ATF1: variants seen among roughly 807,000 people sequenced by gnomAD.
ATF1 encodes the protein cyclic AMP-dependent transcription factor ATF-1.
Under a neutral mutation model 34.7 loss-of-function variants are expected in ATF1, and 16 were observed. The observed-to-expected ratio is 0.46, with a 90% confidence interval of 0.31 to 0.70. ATF1 has a LOEUF of 0.70. ATF1 is among the 30% of genes least tolerant of loss of function. The pLI is 0.05. For synonymous variants in ATF1, 105 were observed against 113.1 expected (o/e 0.93, Z 0.46); for missense variants, 255 against 321.6 (o/e 0.79, Z 1.58).
chr12:50,782,345 T>C (rs1432982456), intron 2 of ATF1, among the ~76,000 whole-genome samples: 1 of 151,886 alleles, frequency 6.6e-6, no homozygotes, highest in African/African-American at 2.4e-5. Flanking sequence ...AACCTCCGCC[T>C]TCCAGGTTCA....
At chr12:50,796,102 G>A (rs575303104) in intron 3 of ATF1, 93 bp downstream of exon 3, 11 of 1,038,532 alleles carry the variant, frequency 1.1e-5, no homozygotes, top group Admixed American at 5.8e-5. Context: ...AAGTTAGCAC[G>A]CGTCAGTGTT....
At chr12:50,819,535 AAG>A (rs1249770096) in intron 6 of ATF1, 98 bp from the exon 7 acceptor site, 17 of 1,348,174 alleles carry the variant, frequency 1.3e-5, no homozygotes, top group Non-Finnish European at 1.8e-5. Flanking sequence ...TGATACTTTA[AAG>A]AGAAAAAAAG....
At chr12:50,797,418 C>T (rs1941429177) in intron 3 of ATF1, among the ~76,000 whole-genome samples, 1 of 152,208 alleles carries the variant, frequency 6.6e-6, no homozygotes, top group Non-Finnish European at 1.5e-5. Flanking sequence ...AGTAAGCTGA[C>T]AACAGATTTT....
chr12:50,809,688 T>A, intron 4 of ATF1, 99 bp downstream of exon 4: 1 of 1,269,886 alleles, frequency 7.9e-7, no homozygotes, highest in Non-Finnish European at 1.1e-6. Flanking sequence ...TTGATAGTGA[T>A]GATTATTAAA....
intron 2 of ATF1, 33 bp downstream of exon 2, chr12:50,780,271 G>C (rs1476894228): frequency 1.4e-5 from 21 of 1,477,642 alleles, no homozygotes; most frequent in Non-Finnish European, 2.0e-5. Context: ...TACTGAGCTT[G>C]TTAGGAATAT....
chr12:50,806,119 C>T (rs1409901005), intron 3 of ATF1, among the ~76,000 whole-genome samples: 1 of 148,976 alleles, frequency 6.7e-6, no homozygotes, highest in Non-Finnish European at 1.5e-5. Context: ...CCACTGACTC[C>T]AGCTTGGGCA....
chr12:50,780,297 A>G, intron 2 of ATF1, 59 bp downstream of exon 2: 2 of 1,394,910 alleles, frequency 1.4e-6, no homozygotes, highest in Non-Finnish European at 2.0e-6. Flanking sequence ...ATGCAGATTA[A>G]TCTCGTTTCA....
At chr12:50,781,150 C>A (rs1430373623) in intron 2 of ATF1, among the ~76,000 whole-genome samples, 1 of 152,056 alleles carries the variant, frequency 6.6e-6, no homozygotes, top group African/African-American at 2.4e-5. Flanking sequence ...TCCACAGATA[C>A]CAAGATCTGT....
At chr12:50,804,807 G>C (rs907256668) in intron 3 of ATF1, among the ~76,000 whole-genome samples, 1 of 151,118 alleles carries the variant, frequency 6.6e-6, no homozygotes, top group Non-Finnish European at 1.5e-5. Context: ...AAGCCAACAA[G>C]ATCTTTTTTT....
chr12:50,765,524 TG>T, intron 1 of ATF1, among the ~76,000 whole-genome samples: 1 of 152,266 alleles, frequency 6.6e-6, no homozygotes, highest in East Asian at 1.9e-4. Context: ...TTTGTTTGTT[TG>T]TTTGTTTGTT....
intron 3 of ATF1, among the ~76,000 whole-genome samples, chr12:50,798,141 T>A (rs1941445318): frequency 6.6e-6 from 1 of 150,818 alleles, no homozygotes; most frequent in South Asian, 2.1e-4. Flanking sequence ...AGAGTGAGAC[T>A]CCATCTCTAA....
intron 6 of ATF1, among the ~76,000 whole-genome samples, chr12:50,817,182 G>A (rs1407747940): frequency 6.6e-6 from 1 of 152,112 alleles, no homozygotes; most frequent in Non-Finnish European, 1.5e-5. Flanking sequence ...CTTGGAGGAA[G>A]TATGTATAAG....
At chr12:50,790,456 G>C (rs1464145101) in intron 2 of ATF1, among the ~76,000 whole-genome samples, 1 of 152,012 alleles carries the variant, frequency 6.6e-6, no homozygotes, top group Non-Finnish European at 1.5e-5. Context: ...TCCTCCTAAA[G>C]TGCTGGGATT....
At chr12:50,816,663 C>T (rs1303645212) in intron 6 of ATF1, among the ~76,000 whole-genome samples, 3 of 151,828 alleles carry the variant, frequency 2.0e-5, no homozygotes, top group Non-Finnish European at 4.4e-5. Flanking sequence ...GAGGCCAAGG[C>T]AGGAGGATCA....
At chr12:50,816,632 C>T (rs114235248) in intron 6 of ATF1, among the ~76,000 whole-genome samples, 4 of 152,176 alleles carry the variant, frequency 2.6e-5, no homozygotes, top group East Asian at 3.9e-4. Flanking sequence ...GTGGCTCACA[C>T]GTGTAATCCC....
chr12:50,809,598 A>C lies in ATF1; in HGVS notation c.328+9A>C. On this transcript the variant is annotated intron_variant, in intron 4 of 6. Coordinates refer to ENST00000262053, the MANE Select transcript of ATF1 (RefSeq NM_005171.5). ...TAGCAGCGGACAGTACAGTATGTATAGGAATCAGTTTCCACATTATAAACA... is the reference window on the plus strand; with the variant it reads ...TAGCAGCGGACAGTACAGTATGTATCGGAATCAGTTTCCACATTATAAACA... 4 of 1,599,706 alleles carry C rather than the reference A, an allele frequency of 2.5e-6. No homozygotes were observed. The highest frequency in any genetic ancestry group is 3.4e-6 in the Non-Finnish European group (4 of 1,173,062).
rs144385337 is a variant in ATF1, at chr12:50,781,080, T to C, written c.93+842T>C. On this transcript the variant is annotated intron_variant, in intron 2 of 6. Transcript: ENST00000262053. ...CTTGTCAAGATCATTTAGTTTTATT[T>C]TCTTTTAAACGAAGTATATAGTCAT... Among the ~76,000 whole-genome samples, 208 of 152,294 alleles carry C rather than the reference T, an allele frequency of 1.4e-3. 2 individuals carry two copies. The highest frequency in any genetic ancestry group is 4.8e-3 in the African/African-American group (200 of 41,550).
chr12:50,814,243 T>G (rs748275166), intron 5 of ATF1, 37 bp from the exon 6 acceptor site: 13 of 1,613,516 alleles, frequency 8.1e-6, no homozygotes, highest in Non-Finnish European at 1.1e-5. Context: ...TCAGAGACAC[T>G]TACTAACTAA....
At chr12:50,789,370 C>T (rs540588352) in intron 2 of ATF1, among the ~76,000 whole-genome samples, 39 of 152,162 alleles carry the variant, frequency 2.6e-4, no homozygotes, top group African/African-American at 7.7e-4. Flanking sequence ...GGCCTGTTTA[C>T]TATTTATTTT....
Sources: allele counts gnomAD v4.1 joint callset (sites outside exome capture counted in the v4.1 genomes callset), GRCh38; gene constraint gnomAD v4.1.1; transcripts MANE v1.5; gene names NCBI Gene and HGNC (gene_info 2026-07-23, HGNC 2026-07-21).